The following PGM5 variants were observed in gnomAD, a reference collection of about 807,000 sequenced individuals.
The protein encoded by PGM5 is phosphoglucomutase 5, also known as phosphoglucomutase-like protein 5.
PGM5 carries 23 observed loss-of-function variants against 59.2 expected under a neutral mutation model. The observed-to-expected ratio is 0.39, with a 90% CI of 0.28 to 0.55. The LOEUF is 0.55. Among genes scored for constraint, PGM5 ranks in the 20% least tolerant of loss-of-function variants. The probability of loss-of-function intolerance (pLI) is 0.66; values close to 1 mark genes in which losing one functional copy is unlikely to be tolerated. For missense variants in PGM5, 574 were observed against 748.3 expected (o/e 0.77, Z 2.72); for synonymous variants, 214 against 286.0 (o/e 0.75, Z 2.54).
chr9:68,445,491 G>A (rs1446175452), intron 6 of PGM5, among the ~76,000 whole-genome samples: 1 of 152,210 alleles, frequency 6.6e-6, no homozygotes, highest in Non-Finnish European at 1.5e-5. Context: ...TAGATAGTGT[G>A]AGGATGCTTG....
At chr9:68,464,126 A>T (rs1823897297) in intron 6 of PGM5, among the ~76,000 whole-genome samples, 1 of 152,202 alleles carries the variant, frequency 6.6e-6, no homozygotes, top group African/African-American at 2.4e-5. Context: ...ACTTTGATGG[A>T]CATTTGGATT....
At chr9:68,374,762 T>C (rs1821836009) in intron 1 of PGM5, among the ~76,000 whole-genome samples, 1 of 152,238 alleles carries the variant, frequency 6.6e-6, no homozygotes, top group Admixed American at 6.5e-5. Flanking sequence ...CAGATATTTA[T>C]TGTATACTTA....
chr9:68,498,137 C>CT (rs1824510639), intron 9 of PGM5: 1 of 152,210 alleles, frequency 6.6e-6, no homozygotes, highest in African/African-American at 2.4e-5. Context: ...ATGCCTCCCC[C>CT]TTTTGGTTCC....
intron 6 of PGM5, among the ~76,000 whole-genome samples, chr9:68,434,007 C>T (rs184382182): frequency 3.0e-4 from 45 of 152,178 alleles, no homozygotes; most frequent in Non-Finnish European, 4.1e-4. Flanking sequence ...AGAGACAATT[C>T]GAGTTTAACG....
intron 10 of PGM5, among the ~76,000 whole-genome samples, chr9:68,513,160 A>G (rs1377932657): frequency 2.6e-5 from 4 of 152,234 alleles, no homozygotes; most frequent in African/African-American, 7.2e-5. Flanking sequence ...TCAAAATTAC[A>G]TTTGTATTTG....
intron 9 of PGM5, among the ~76,000 whole-genome samples, chr9:68,491,598 G>A (rs1414407343): frequency 1.3e-5 from 2 of 152,120 alleles, no homozygotes; most frequent in Non-Finnish European, 2.9e-5. Context: ...GAAAACCATA[G>A]GTTTAAAAAA....
At chr9:68,527,494 T>C (rs999577159) in intron 10 of PGM5, among the ~76,000 whole-genome samples, 1 of 152,144 alleles carries the variant, frequency 6.6e-6, no homozygotes, top group Admixed American at 6.5e-5. Flanking sequence ...AAACTAATAA[T>C]TGAATTTCTG....
At chr9:68,422,851 T>A (rs782713235) in intron 6 of PGM5, among the ~76,000 whole-genome samples, 20 of 152,146 alleles carry the variant, frequency 1.3e-4, no homozygotes, top group African/African-American at 4.3e-4. Flanking sequence ...GCATGCTATT[T>A]GTAGTCTTCT....
Position 68,406,660 on chromosome 9 carries a change from GTATATATATATATATATGTATATA to G in PGM5, c.1043+14205_1043+14228del, listed in dbSNP as rs1173501614. On this transcript the variant is annotated intron_variant, in intron 6 of 10. Coordinates refer to ENST00000396396, the MANE Select transcript of PGM5 (RefSeq NM_021965.4). ...GGTCTTGTACTGAGGATTAAATTAG[GTATATATATATATATATGTATATA>G]TATATATATATATATATATATATAT... Among the ~76,000 whole-genome samples, 573 of 57,626 alleles carry G rather than the reference GTATATATATATATATATGTATATA, an allele frequency of 9.9e-3. 35 individuals are homozygous for G. The highest frequency in any genetic ancestry group is 0.021 in the East Asian group (42 of 2,012). 37.8% of individuals were successfully genotyped at this position (57,626 alleles called of 152,430 possible).
intron 1 of PGM5, among the ~76,000 whole-genome samples, chr9:68,373,786 G>C (rs1169796275): frequency 5.3e-5 from 8 of 152,196 alleles, no homozygotes; most frequent in African/African-American, 1.9e-4. Context: ...GGATGTCCCT[G>C]GTGGGCAAAG....
intron 7 of PGM5, among the ~76,000 whole-genome samples, chr9:68,474,566 G>C (rs1244939879): frequency 1.4e-5 from 2 of 142,926 alleles, no homozygotes; most frequent in East Asian, 4.1e-4. Flanking sequence ...TATTTCTCTA[G>C]AAAAAAAAAA....
At chr9:68,363,075 G>T (rs1302352460) in intron 1 of PGM5, among the ~76,000 whole-genome samples, 3 of 151,176 alleles carry the variant, frequency 2.0e-5, no homozygotes, top group Non-Finnish European at 4.4e-5. Flanking sequence ...TCACCATGTC[G>T]GCCAGGCTGG....
intron 9 of PGM5, chr9:68,497,032 G>T (rs1824492866): frequency 6.6e-6 from 1 of 152,208 alleles, no homozygotes. Flanking sequence ...AGCTTCAAAA[G>T]AGTTTGTAAA....
Position 68,465,165 on chromosome 9 carries a change from C to T in PGM5, c.1116C>T (p.Asp372=), listed in dbSNP as rs1554685701. 2 of 1,613,400 alleles carry T rather than the reference C, an allele frequency of 1.2e-6. No homozygotes were observed. The highest frequency in any genetic ancestry group is 1.1e-5 in the South Asian group (1 of 91,062). ...AGWRFFSNLM[D]SGRCNLCGEE... ...GGAGATTCTTCTCAAATCTGATGGA[C>T]TCAGGACGTTGCAATCTGTGTGGGG... Residue 372 remains aspartate (D), a synonymous_variant, in exon 7 of 11, where the codon GAC becomes GAT. Coordinates refer to ENST00000396396, the MANE Select transcript of PGM5 (RefSeq NM_021965.4).
intron 10 of PGM5, among the ~76,000 whole-genome samples, chr9:68,527,244 A>G (rs1309407631): frequency 6.6e-6 from 1 of 152,232 alleles, no homozygotes; most frequent in Non-Finnish European, 1.5e-5. Flanking sequence ...GTAAAACTGA[A>G]TATGTTTTAA....
At chr9:68,431,368 A>T (rs1467560349) in intron 6 of PGM5, among the ~76,000 whole-genome samples, 2 of 152,230 alleles carry the variant, frequency 1.3e-5, no homozygotes, top group Non-Finnish European at 2.9e-5. Context: ...GTAGACAAAG[A>T]AGAGAAGCTG....
At chr9:68,503,116 A>C (rs1402101182) in intron 10 of PGM5, among the ~76,000 whole-genome samples, 1 of 152,182 alleles carries the variant, frequency 6.6e-6, no homozygotes, top group South Asian at 2.1e-4. Flanking sequence ...CCTGTTCTTA[A>C]TAAGACTTTG....
intron 1 of PGM5, among the ~76,000 whole-genome samples, chr9:68,375,527 C>A (rs1296601474): frequency 1.3e-5 from 2 of 152,234 alleles, no homozygotes; most frequent in Non-Finnish European, 2.9e-5. Context: ...TGCCCCCCTT[C>A]AAGGTATTTC....
At chr9:68,414,723 G>C (rs1173509582) in intron 6 of PGM5, among the ~76,000 whole-genome samples, 1 of 151,708 alleles carries the variant, frequency 6.6e-6, no homozygotes, top group Non-Finnish European at 1.5e-5. Context: ...CTGGTGGTAC[G>C]AAGAAGGGAC....
Sources: gnomAD v4.1 joint callset for allele counts (sites outside exome capture counted in the v4.1 genomes callset) on GRCh38, gnomAD v4.1.1 for gene constraint, MANE v1.5 for transcripts, NCBI Gene and HGNC (gene_info 2026-07-23, HGNC 2026-07-21) for gene names.